Variants in HIPK3 observed in about 807,000 individuals in gnomAD.
HIPK3 encodes homeodomain-interacting protein kinase 3.
A neutral mutation model predicts 124.2 loss-of-function variants in HIPK3; 47 were observed. That is an observed-to-expected ratio of 0.38 (90% CI 0.30 to 0.48). The LOEUF is 0.48. Among genes scored for constraint, HIPK3 ranks in the 20% least tolerant of loss-of-function variants. The pLI is 0.98. For missense variants in HIPK3, 1,286 were observed against 1,454.3 expected (o/e 0.88, Z 1.88); for synonymous variants, 482 against 515.2 (o/e 0.94, Z 0.87).
intron 3 of HIPK3, among the ~76,000 whole-genome samples, chr11:33,332,585 A>G (rs967395728): frequency 6.6e-6 from 1 of 152,242 alleles, no homozygotes; most frequent in African/African-American, 2.4e-5. Flanking sequence ...ATCCAGAACA[A>G]CTAAGAGTCT....
intron 7 of HIPK3, 124 bp downstream of exon 7, chr11:33,341,251 C>G: frequency 3.2e-6 from 2 of 618,382 alleles, no homozygotes; most frequent in East Asian, 3.1e-5. Flanking sequence ...TCTTACTATA[C>G]CTGTTTTTAC....
Position 33,347,303 on chromosome 11 carries a change from A to G in HIPK3, c.1908A>G (p.Ala636=). Residue 636 remains alanine (A), a synonymous_variant, in exon 9 of 17, where the codon GCA becomes GCG. Transcript: ENST00000303296. ...TATTCTGTTTCACAGGTATTCCTGC[A>G]ACACATGGTAAACCCACCAGTTATT... ...ICPPAIQGIP[A]THGKPTSYSI... 6.2e-7 allele frequency: 1 copy of G among 1,612,322 alleles called. No homozygotes were observed. The highest frequency in any genetic ancestry group is 8.5e-7 in the Non-Finnish European group (1 of 1,178,900).
At chr11:33,299,988 C>T (rs1259616370) in intron 2 of HIPK3, among the ~76,000 whole-genome samples, 3 of 142,894 alleles carry the variant, frequency 2.1e-5, no homozygotes, top group Non-Finnish European at 3.0e-5. Flanking sequence ...TGCCACTGCA[C>T]TCAAGTCTGG....
intron 14 of HIPK3, 50 bp from the exon 15 acceptor site, chr11:33,351,558 T>C: frequency 7.6e-7 from 1 of 1,319,110 alleles, no homozygotes; most frequent in Non-Finnish European, 1.1e-6. Context: ...TAACATTAGA[T>C]TTAATGTTGG....
At chr11:33,287,848 T>C (rs1427306397) in intron 2 of HIPK3, among the ~76,000 whole-genome samples, 1 of 152,202 alleles carries the variant, frequency 6.6e-6, no homozygotes, top group Admixed American at 6.5e-5. Context: ...GTATATATCA[T>C]TGGGCATTTT....
In HIPK3 at chr11:33,257,587, C is replaced by G. The variant is rs1461347586; in HGVS notation, c.-305C>G. 2 of 986,254 alleles carry G rather than the reference C, an allele frequency of 2.0e-6. No homozygotes were observed. The highest frequency in any genetic ancestry group is 1.2e-6 in the Non-Finnish European group (1 of 830,480). The allele number at this position is 986,254 out of a possible 1,614,324, so 61.1% of individuals were successfully genotyped here. On this transcript the variant is annotated 5_prime_UTR_variant, in exon 1 of 17. Transcript: ENST00000303296. ...GGAGGCCGACCGGCCTCCCACTACC[C>G]CTCGCCCTAGCCAAGCCGTCCCCAC...
chr11:33,325,658 A>T (rs183670793), intron 2 of HIPK3, among the ~76,000 whole-genome samples: 35 of 152,224 alleles, frequency 2.3e-4, no homozygotes, highest in African/African-American at 7.9e-4. Flanking sequence ...TCTTTGTGTG[A>T]CTCAACCTGT....
chr11:33,304,676 A>G (rs1455789133), intron 2 of HIPK3, among the ~76,000 whole-genome samples: 1 of 152,216 alleles, frequency 6.6e-6, no homozygotes, highest in African/African-American at 2.4e-5. Context: ...ATTTTACAAA[A>G]TACATATTAT....
At chr11:33,290,883 G>A (rs778570301) in intron 2 of HIPK3, among the ~76,000 whole-genome samples, 11 of 152,044 alleles carry the variant, frequency 7.2e-5, no homozygotes, top group Non-Finnish European at 1.2e-4. Flanking sequence ...TAATTTACCC[G>A]ACGTTCAGAA....
chr11:33,333,945 T>G (rs1013231672), intron 3 of HIPK3, among the ~76,000 whole-genome samples: 3 of 152,228 alleles, frequency 2.0e-5, no homozygotes, highest in Admixed American at 6.5e-5. Context: ...TTCTGTCTGA[T>G]GCAGCATCTA....
intron 6 of HIPK3, among the ~76,000 whole-genome samples, chr11:33,340,176 G>T (rs754677029): frequency 2.0e-5 from 3 of 152,180 alleles, no homozygotes; most frequent in Non-Finnish European, 4.4e-5. Context: ...CGCCTCACAG[G>T]CTCAAGTGCT....
At chr11:33,341,465 G>A in intron 7 of HIPK3, 98 bp from the exon 8 acceptor site, 1 of 1,203,506 alleles carries the variant, frequency 8.3e-7, no homozygotes, top group South Asian at 2.2e-5. Flanking sequence ...CATTTTAATA[G>A]TAGAATTATG....
chr11:33,264,399 G>C (rs1364221989), intron 1 of HIPK3, among the ~76,000 whole-genome samples: 1 of 152,034 alleles, frequency 6.6e-6, no homozygotes, highest in East Asian at 1.9e-4. Context: ...TACTGATGAG[G>C]TCTGACCCTG....
intron 1 of HIPK3, among the ~76,000 whole-genome samples, chr11:33,262,577 T>G (rs1850853118): frequency 6.6e-6 from 1 of 152,224 alleles, no homozygotes; most frequent in Non-Finnish European, 1.5e-5. Context: ...ATTGTATTTT[T>G]AGGACAGCAT....
At chr11:33,350,506 A>G (rs1164697654) in intron 14 of HIPK3, among the ~76,000 whole-genome samples, 3 of 150,532 alleles carry the variant, frequency 2.0e-5, no homozygotes, top group African/African-American at 7.4e-5. Context: ...GCCTCTACCA[A>G]AAATTAAAAA....
chr11:33,348,036 T>C, intron 11 of HIPK3, 23 bp downstream of exon 11: 1 of 1,613,296 alleles, frequency 6.2e-7, no homozygotes, highest in Admixed American at 1.7e-5. Flanking sequence ...GCTTTAGCTT[T>C]CCTCTGCATT....
At position 33,325,347 on chromosome 11, in the gene HIPK3, C is replaced by T. The variant is rs549039629; in HGVS notation, c.1098-3163C>T. 4.3e-4 allele frequency among the ~76,000 whole-genome samples: 65 copies of T among 152,268 alleles called. 1 individual carries two copies. The highest frequency in any genetic ancestry group is 8.5e-4 in the Admixed American group (13 of 15,292). ...AGTTCTACACCGAAAAATTTCAAAT[C>T]CTATGAAGAATTTTCCATATTAAAT... On this transcript the variant is annotated intron_variant, in intron 2 of 16. Transcript: ENST00000303296.
At chr11:33,341,495 A>T in intron 7 of HIPK3, 68 bp from the exon 8 acceptor site, 2 of 1,368,656 alleles carry the variant, frequency 1.5e-6, no homozygotes, top group Non-Finnish European at 2.0e-6. Context: ...AATGTGTTTG[A>T]ATTCTATTTA....
At chr11:33,268,591 C>CAAAAAAAAAAAAAA (rs35408664) in intron 1 of HIPK3, among the ~76,000 whole-genome samples, 1 of 76,030 alleles carries the variant, frequency 1.3e-5, no homozygotes, top group Non-Finnish European at 2.5e-5. Flanking sequence ...ACTCCGTCAC[C>CAAAAAAAAAAAAAA]AAAAAAAAAA....
Sources: allele counts gnomAD v4.1 joint callset (sites outside exome capture counted in the v4.1 genomes callset), GRCh38; gene constraint gnomAD v4.1.1; transcripts MANE v1.5; gene names NCBI Gene and HGNC (gene_info 2026-07-23, HGNC 2026-07-21).